The following SLIT3 variants were observed in gnomAD, a reference collection of about 807,000 sequenced individuals.
SLIT3 encodes slit guidance ligand 3.
Under a neutral mutation model 184.0 loss-of-function variants are expected in SLIT3, and 68 were observed. The observed-to-expected ratio is 0.37, with a 90% CI of 0.30 to 0.45. SLIT3 has a LOEUF of 0.45. Ranked by LOEUF, SLIT3 falls within the 20% of genes least tolerant of loss-of-function variation. The pLI is 1.00. For missense variants in SLIT3, 1,707 were observed against 2,026.0 expected (o/e 0.84, Z 3.02); for synonymous variants, 831 against 828.6 (o/e 1.00, Z -0.05).
intron 2 of SLIT3, among the ~76,000 whole-genome samples, chr5:169,246,129 T>G (rs1313123540): frequency 6.6e-6 from 1 of 152,174 alleles, no homozygotes; most frequent in Non-Finnish European, 1.5e-5. Context: ...TCACATGTAC[T>G]CACACCCACA....
chr5:168,715,323 T>G (rs149231892), intron 23 of SLIT3, among the ~76,000 whole-genome samples: 1 of 152,368 alleles, frequency 6.6e-6, no homozygotes, highest in Non-Finnish European at 1.5e-5. Flanking sequence ...TCAGCATCAA[T>G]GCTGTTTTCT....
At chr5:169,174,049 A>C (rs1762895393) in intron 4 of SLIT3, among the ~76,000 whole-genome samples, 1 of 152,084 alleles carries the variant, frequency 6.6e-6, no homozygotes, top group Admixed American at 6.6e-5. Flanking sequence ...CTGGTTACAA[A>C]CCAGTAAGGA....
At chr5:169,226,104 G>A (rs1296303977) in intron 3 of SLIT3, among the ~76,000 whole-genome samples, 1 of 152,148 alleles carries the variant, frequency 6.6e-6, no homozygotes, top group African/African-American at 2.4e-5. Flanking sequence ...CCCCACTTTA[G>A]TCTCTGCCAG....
chr5:168,874,991 G>A (rs1759676914), intron 5 of SLIT3, among the ~76,000 whole-genome samples: 1 of 152,044 alleles, frequency 6.6e-6, no homozygotes, highest in South Asian at 2.1e-4. Context: ...CTTCAGGTCT[G>A]ACAAGAGTAA....
intron 3 of SLIT3, among the ~76,000 whole-genome samples, chr5:169,217,680 AC>A (rs1690987764): frequency 6.6e-6 from 1 of 152,212 alleles, no homozygotes; most frequent in Admixed American, 6.5e-5. Flanking sequence ...TAGGCAACGA[AC>A]CAGTAATTGC....
intron 6 of SLIT3, among the ~76,000 whole-genome samples, chr5:168,835,354 C>T (rs577699006): frequency 6.6e-6 from 1 of 151,908 alleles, no homozygotes; most frequent in Non-Finnish European, 1.5e-5. Flanking sequence ...GATTTAGTTA[C>T]AAGTTAAAAG....
At chr5:169,248,247 C>G (rs1026549885) in intron 2 of SLIT3, among the ~76,000 whole-genome samples, 2 of 152,078 alleles carry the variant, frequency 1.3e-5, no homozygotes, top group East Asian at 3.9e-4. Context: ...TTGCCCACAC[C>G]GCTAAATAAG....
At chr5:168,975,599 C>T (rs958260091) in intron 4 of SLIT3, among the ~76,000 whole-genome samples, 11 of 152,124 alleles carry the variant, frequency 7.2e-5, no homozygotes, top group East Asian at 1.9e-4. Context: ...TGCAGGCTCA[C>T]GTGAAGGTTG....
In SLIT3 at chr5:168,724,433, G is replaced by A. The variant is rs775895872; in HGVS notation, c.2322C>T (p.Leu774=). 3.7e-6 allele frequency: 6 copies of A among 1,612,840 alleles called. No homozygotes were observed. In the Admixed American group the frequency reaches 1.0e-4, roughly 27 times the overall value. ...CTCCTTACATAAGCGTCAGGTGTCG[G>A]AGGGCGGACAGCTCTCTGGGCACGG... ...LTAVPRELSA[L]RHLTLIDLSN... Residue 774 remains leucine, a synonymous_variant, in exon 21 of 36, where the codon CTC becomes CTT. Coordinates refer to ENST00000519560, the MANE Select transcript of SLIT3 (RefSeq NM_003062.4).
chr5:168,692,583 T>C (rs1241180682), intron 29 of SLIT3, 24 bp downstream of exon 29: 4 of 1,565,780 alleles, frequency 2.6e-6, no homozygotes, highest in Non-Finnish European at 3.5e-6. Context: ...GACTCTGTGC[T>C]GGGGGCACGA....
intron 1 of SLIT3, among the ~76,000 whole-genome samples, chr5:169,274,428 G>A (rs1766733439): frequency 6.6e-6 from 1 of 152,184 alleles, no homozygotes; most frequent in East Asian, 1.9e-4. Flanking sequence ...CAACCACGCA[G>A]AGTTGTATAA....
intron 3 of SLIT3, among the ~76,000 whole-genome samples, chr5:169,215,542 G>A (rs957492455): frequency 3.9e-5 from 6 of 152,212 alleles, no homozygotes; most frequent in African/African-American, 1.4e-4. Context: ...TCTGCTGAAG[G>A]AGTGCAAAAG....
chr5:168,984,799 A>T (rs1197868963), intron 4 of SLIT3, among the ~76,000 whole-genome samples: 1 of 152,212 alleles, frequency 6.6e-6, no homozygotes, highest in African/African-American at 2.4e-5. Context: ...ACATCACAGA[A>T]AAACATCCCA....
At chr5:168,669,746 C>T (rs1228084585) in intron 35 of SLIT3, 37 bp downstream of exon 35, 1 of 1,564,754 alleles carries the variant, frequency 6.4e-7, no homozygotes, top group South Asian at 1.1e-5. Context: ...CAACTCTGAC[C>T]CCCACTTCCT....
chr5:168,932,488 C>G (rs2113168892), intron 4 of SLIT3, among the ~76,000 whole-genome samples: 1 of 152,048 alleles, frequency 6.6e-6, no homozygotes, highest in East Asian at 1.9e-4. Context: ...ACAGAAGTCC[C>G]TTGCTTTCTT....
chr5:168,961,946 T>C (rs931857124), intron 4 of SLIT3, among the ~76,000 whole-genome samples: 1 of 151,982 alleles, frequency 6.6e-6, no homozygotes, highest in Non-Finnish European at 1.5e-5. Context: ...CTGGGTATGA[T>C]ATGGAGAATG....
chr5:168,761,921 A>ATTTT (rs10654069), intron 15 of SLIT3, among the ~76,000 whole-genome samples: 187 of 110,456 alleles, frequency 1.7e-3, no homozygotes, highest in African/African-American at 3.6e-3. Flanking sequence ...AAAAAAAAAA[A>ATTTT]TTTTTTTTTT....
At chr5:169,108,739 C>T (rs909414756) in intron 4 of SLIT3, among the ~76,000 whole-genome samples, 1 of 152,142 alleles carries the variant, frequency 6.6e-6, no homozygotes, top group Admixed American at 6.6e-5. Flanking sequence ...GTAAGAGCCA[C>T]CTCCCCCTCA....
chr5:168,907,879 GATATATGATATATATCAT>G (rs1761106762), intron 4 of SLIT3, among the ~76,000 whole-genome samples: 1 of 131,016 alleles, frequency 7.6e-6, no homozygotes, highest in South Asian at 2.5e-4. Context: ...GATACATATA[GATATATGATATATATCAT>G]ATATATATAG....
Sources: allele counts gnomAD v4.1 joint callset (sites outside exome capture counted in the v4.1 genomes callset), GRCh38; gene constraint gnomAD v4.1.1; transcripts MANE v1.5; gene names NCBI Gene and HGNC (gene_info 2026-07-23, HGNC 2026-07-21).